Variants in PHACTR1 observed in about 807,000 individuals in gnomAD.
PHACTR1 encodes RPEL repeat containing 1.
A neutral mutation model predicts 69.2 loss-of-function variants in PHACTR1; 16 were observed. That is an observed-to-expected ratio of 0.23 (90% CI 0.16 to 0.35). The LOEUF (loss-of-function observed/expected upper bound fraction) is 0.35. Among genes scored for constraint, PHACTR1 ranks in the 10% least tolerant of loss-of-function variants. PHACTR1 has a pLI of 1.00. For missense variants in PHACTR1, 510 were observed against 734.7 expected (o/e 0.69, Z 3.54); for synonymous variants, 312 against 284.5 (o/e 1.10, Z -0.97).
intron 4 of PHACTR1, among the ~76,000 whole-genome samples, chr6:12,854,069 G>A (rs1416408289): frequency 6.6e-6 from 1 of 152,160 alleles, no homozygotes; most frequent in African/African-American, 2.4e-5. Context: ...CTGGGTTATG[G>A]GTGTATATAA....
Position 12,987,909 on chromosome 6 carries a change from A to G in PHACTR1, c.251-65456A>G, listed in dbSNP as rs114457576. Among the ~76,000 whole-genome samples the G allele has an allele frequency of 3.3e-3, 498 of 152,350 alleles. 1 individual carries two copies. Among genetic ancestry groups the G allele is most frequent in the African/African-American group, 0.012 (484 of 41,580 alleles). The stretch of plus-strand genomic sequence containing the variant: ...CATGAAAATGGCAACACCAGTCCCC[A>G]CTATGACTGCATGGATGTTGTGAAT... On this transcript the variant is annotated intron_variant, in intron 4 of 14. Coordinates refer to ENST00000332995, the MANE Select transcript of PHACTR1 (RefSeq NM_030948.6).
At chr6:12,949,620 G>A (rs1347109564) in intron 4 of PHACTR1, among the ~76,000 whole-genome samples, 1 of 152,172 alleles carries the variant, frequency 6.6e-6, no homozygotes, top group Non-Finnish European at 1.5e-5. Flanking sequence ...TGAATATAGT[G>A]CTATAGTGGT....
At chr6:13,257,404 T>C (rs140207892) in intron 10 of PHACTR1, among the ~76,000 whole-genome samples, 1 of 151,072 alleles carries the variant, frequency 6.6e-6, no homozygotes, top group African/African-American at 2.5e-5. Context: ...TATCAATCCC[T>C]AACTTCATAG....
chr6:12,812,701 T>C (rs1396093823), intron 4 of PHACTR1, among the ~76,000 whole-genome samples: 2 of 152,236 alleles, frequency 1.3e-5, no homozygotes, highest in Non-Finnish European at 2.9e-5. Context: ...GATACGTTAG[T>C]GATTCGAGCA....
At chr6:12,862,263 C>A (rs779203617) in intron 4 of PHACTR1, among the ~76,000 whole-genome samples, 1 of 152,188 alleles carries the variant, frequency 6.6e-6, no homozygotes, top group Non-Finnish European at 1.5e-5. Context: ...CTTGTAAATT[C>A]AGCATGAGTT....
At chr6:12,736,883 A>G (rs1401855182) in intron 3 of PHACTR1, among the ~76,000 whole-genome samples, 1 of 152,040 alleles carries the variant, frequency 6.6e-6, no homozygotes, top group Non-Finnish European at 1.5e-5. Context: ...TCTTGTCTCT[A>G]TTGATCTATT....
intron 4 of PHACTR1, among the ~76,000 whole-genome samples, chr6:12,915,835 T>A (rs1786925917): frequency 6.6e-6 from 1 of 152,218 alleles, no homozygotes; most frequent in African/African-American, 2.4e-5. Flanking sequence ...TTCTTTGCTC[T>A]CACATGGACT....
intron 4 of PHACTR1, among the ~76,000 whole-genome samples, chr6:12,787,878 C>T (rs890894874): frequency 1.4e-4 from 21 of 152,266 alleles, no homozygotes; most frequent in African/African-American, 4.8e-4. Context: ...CAAAGGAGGC[C>T]AGGCACGGTG....
chr6:12,833,295 G>A (rs896603799), intron 4 of PHACTR1, among the ~76,000 whole-genome samples: 3 of 150,654 alleles, frequency 2.0e-5, no homozygotes, highest in Admixed American at 1.3e-4. Flanking sequence ...GTCCTGCTCT[G>A]TCACCCAGGC....
At chr6:12,865,476 G>T (rs1025266723) in intron 4 of PHACTR1, among the ~76,000 whole-genome samples, 2 of 151,978 alleles carry the variant, frequency 1.3e-5, no homozygotes, top group Non-Finnish European at 2.9e-5. Flanking sequence ...GTGTGTGTGT[G>T]TGTGCCTGCG....
At chr6:12,886,001 A>G in intron 4 of PHACTR1, among the ~76,000 whole-genome samples, 1 of 152,228 alleles carries the variant, frequency 6.6e-6, no homozygotes, top group East Asian at 1.9e-4. Context: ...AGGCTGAGGC[A>G]GGAGAATGGC....
chr6:13,017,378 CGGTTTATTATG>C (rs1328792563), intron 4 of PHACTR1, among the ~76,000 whole-genome samples: 1 of 151,744 alleles, frequency 6.6e-6, no homozygotes, highest in Non-Finnish European at 1.5e-5. Flanking sequence ...TCAATAAGCT[CGGTTTATTATG>C]GTAAAGAATG....
At chr6:12,808,332 T>A (rs1057151624) in intron 4 of PHACTR1, among the ~76,000 whole-genome samples, 3 of 152,184 alleles carry the variant, frequency 2.0e-5, no homozygotes, top group African/African-American at 7.2e-5. Flanking sequence ...GGAGAATAAA[T>A]TTTTGAAACA....
chr6:13,010,705 G>C (rs576617803), intron 4 of PHACTR1, among the ~76,000 whole-genome samples: 1 of 152,240 alleles, frequency 6.6e-6, no homozygotes, highest in East Asian at 1.9e-4. Context: ...GTTTCAGAAG[G>C]GGATCTGCAA....
chr6:13,003,308 G>A (rs1480559694), intron 4 of PHACTR1, among the ~76,000 whole-genome samples: 1 of 152,108 alleles, frequency 6.6e-6, no homozygotes, highest in Non-Finnish European at 1.5e-5. Flanking sequence ...TCTAAGGATT[G>A]ATTCTTTTTG....
intron 5 of PHACTR1, among the ~76,000 whole-genome samples, chr6:13,159,005 G>A (rs1758589153): frequency 6.6e-6 from 1 of 152,188 alleles, no homozygotes; most frequent in Admixed American, 6.5e-5. Context: ...GCCAGCTGCT[G>A]GAATAGCCTT....
At chr6:12,822,733 C>T (rs1776361625) in intron 4 of PHACTR1, among the ~76,000 whole-genome samples, 1 of 152,160 alleles carries the variant, frequency 6.6e-6, no homozygotes, top group African/African-American at 2.4e-5. Flanking sequence ...GAATAGACTT[C>T]TAGCCAGAAG....
chr6:12,868,099 A>G (rs1397783680), intron 4 of PHACTR1, among the ~76,000 whole-genome samples: 1 of 152,156 alleles, frequency 6.6e-6, no homozygotes, highest in Non-Finnish European at 1.5e-5. Flanking sequence ...TCTACTAAAA[A>G]TACAAAAATT....
intron 4 of PHACTR1, among the ~76,000 whole-genome samples, chr6:12,866,094 T>A (rs1433685135): frequency 6.6e-6 from 1 of 152,190 alleles, no homozygotes; most frequent in Non-Finnish European, 1.5e-5. Flanking sequence ...TGTATGGGGA[T>A]AGGCATGGTA....
Sources: allele counts gnomAD v4.1 joint callset (sites outside exome capture counted in the v4.1 genomes callset), GRCh38; gene constraint gnomAD v4.1.1; transcripts MANE v1.5; gene names NCBI Gene and HGNC (gene_info 2026-07-23, HGNC 2026-07-21).